The following EPS15L1 variants were observed in gnomAD, a reference collection of about 807,000 sequenced individuals.
EPS15L1 encodes epidermal growth factor receptor pathway substrate 15 like 1.
In EPS15L1, 43 loss-of-function variants were observed where a neutral mutation model predicts 117.1. The ratio of observed to expected loss-of-function variants is 0.37; its 90% CI spans 0.29 to 0.47. The LOEUF is 0.47. EPS15L1 is among the 20% of genes least tolerant of loss of function. The pLI, the probability that EPS15L1 is intolerant of heterozygous loss-of-function variation, is 0.99. For missense variants in EPS15L1, 981 were observed against 1,164.0 expected (o/e 0.84, Z 2.29); for synonymous variants, 459 against 470.5 (o/e 0.98, Z 0.32).
chr19:16,441,690 C>G, intron 3 of EPS15L1: 2 of 365,824 alleles, frequency 5.5e-6, no homozygotes, highest in Non-Finnish European at 1.0e-5. Context: ...ACTCGGGTTT[C>G]TTATCTGCTA....
At chr19:16,422,465 A>G (rs956531577) in intron 9 of EPS15L1, among the ~76,000 whole-genome samples, 4 of 152,136 alleles carry the variant, frequency 2.6e-5, no homozygotes, top group Non-Finnish European at 5.9e-5. Flanking sequence ...ATCTCATAAT[A>G]GCAATGAGAA....
intron 13 of EPS15L1, chr19:16,413,539 T>C: frequency 1.4e-6 from 1 of 726,002 alleles, no homozygotes; most frequent in Admixed American, 2.4e-5. Flanking sequence ...AGAGTCTCCA[T>C]GCAGAGCACC....
chr19:16,432,633 G>A (rs1270876024), intron 7 of EPS15L1, among the ~76,000 whole-genome samples: 1 of 151,610 alleles, frequency 6.6e-6, no homozygotes, highest in African/African-American at 2.4e-5. Flanking sequence ...TTAGCCGGCT[G>A]TTGTGGTGCA....
chr19:16,452,845 G>A (rs2093159612), intron 1 of EPS15L1, among the ~76,000 whole-genome samples: 1 of 151,474 alleles, frequency 6.6e-6, no homozygotes, highest in South Asian at 2.1e-4. Context: ...CCCCCAAGCT[G>A]GAGCGCAGTG....
chr19:16,454,089 G>C (rs983581993), intron 1 of EPS15L1, among the ~76,000 whole-genome samples: 1 of 152,194 alleles, frequency 6.6e-6, no homozygotes, highest in African/African-American at 2.4e-5. Flanking sequence ...GGGAGACTGA[G>C]AAGTGATGCA....
At chr19:16,434,522 G>T (rs775296576) in intron 6 of EPS15L1, 32 bp from the exon 7 acceptor site, 1 of 1,605,388 alleles carries the variant, frequency 6.2e-7, no homozygotes, top group Non-Finnish European at 8.5e-7. Context: ...GAGTAAGTAG[G>T]AGAGCACACC....
At position 16,448,553 on chromosome 19, in the gene EPS15L1, G is replaced by GC. The variant is rs560728045; in HGVS notation, c.34-6335_34-6334insG. 1.0e-3 allele frequency among the ~76,000 whole-genome samples: 156 copies of GC among 149,078 alleles called. 4 individuals carry two copies. Among genetic ancestry groups the GC allele is most frequent in the South Asian group, 6.8e-3 (32 of 4,700 alleles). ...AATTCCGTATTAAAAAAAAAGGGGG[G>GC]GGGAGAAAGGCCGGGCGCGGTGGCT... On this transcript the variant is annotated intron_variant, in intron 1 of 23. Coordinates refer to ENST00000455140, the MANE Select transcript of EPS15L1 (RefSeq NM_001258374.3).
At chr19:16,359,781 G>C (rs557700993) in intron 23 of EPS15L1, among the ~76,000 whole-genome samples, 1 of 152,098 alleles carries the variant, frequency 6.6e-6, no homozygotes, top group East Asian at 1.9e-4. Context: ...ACGATTGCTT[G>C]AGCCCAGGAG....
Position 16,390,305 on chromosome 19 carries a change from G to A in EPS15L1, c.2103+1999C>T, listed in dbSNP as rs559240843. On this transcript the variant is annotated intron_variant, in intron 19 of 23. Transcript: ENST00000455140. Reference sequence around the variant, plus strand: ...TAATGATAAAAAGGTTGTTGTGTCAGAAAGACACAACAATCATAAACACCT... The same window carrying A: ...TAATGATAAAAAGGTTGTTGTGTCAAAAAGACACAACAATCATAAACACCT... Among the ~76,000 whole-genome samples the A allele has an allele frequency of 4.9e-4, 74 of 152,246 alleles. 1 individual carries two copies. In the South Asian group the frequency reaches 0.014, roughly 29 times the overall value.
intron 21 of EPS15L1, among the ~76,000 whole-genome samples, chr19:16,379,957 T>C (rs1308123325): frequency 1.4e-5 from 2 of 140,648 alleles, no homozygotes; most frequent in East Asian, 2.2e-4. Flanking sequence ...TCTAGTCACA[T>C]AGACGCGGCT....
intron 1 of EPS15L1, among the ~76,000 whole-genome samples, chr19:16,448,064 G>A (rs896079269): frequency 1.3e-5 from 2 of 152,174 alleles, no homozygotes; most frequent in Non-Finnish European, 2.9e-5. Context: ...CATGGGCCTC[G>A]AACTAAAAGT....
chr19:16,402,607 T>A, intron 15 of EPS15L1, 122 bp from the exon 16 acceptor site: 1 of 932,304 alleles, frequency 1.1e-6, no homozygotes, highest in Non-Finnish European at 1.5e-6. Flanking sequence ...AGTGGAGTGA[T>A]CATAGCTCAC....
intron 1 of EPS15L1, among the ~76,000 whole-genome samples, chr19:16,470,191 C>T (rs997597520): frequency 6.6e-6 from 1 of 151,818 alleles, no homozygotes; most frequent in Admixed American, 6.6e-5. Context: ...ACACGAGCCT[C>T]GCCAAAATGG....
At chr19:16,382,670 G>A (rs898990286) in intron 21 of EPS15L1, among the ~76,000 whole-genome samples, 7 of 150,258 alleles carry the variant, frequency 4.7e-5, no homozygotes, top group Admixed American at 2.7e-4. Flanking sequence ...TTGGACTCTT[G>A]TTTTTATTCT....
At chr19:16,470,144 G>A (rs936510458) in intron 1 of EPS15L1, among the ~76,000 whole-genome samples, 2 of 152,170 alleles carry the variant, frequency 1.3e-5, no homozygotes, top group African/African-American at 2.4e-5. Context: ...CACTTTGGGA[G>A]GCCAAGGCGG....
At chr19:16,453,120 G>C (rs554153405) in intron 1 of EPS15L1, among the ~76,000 whole-genome samples, 41 of 152,012 alleles carry the variant, frequency 2.7e-4, no homozygotes, top group Middle Eastern at 6.8e-3. Context: ...TTTTCATAGA[G>C]ACAGAGACTT....
chr19:16,442,109 C>G, intron 2 of EPS15L1, 69 bp downstream of exon 2: 1 of 1,523,250 alleles, frequency 6.6e-7, no homozygotes, highest in Non-Finnish European at 9.1e-7. Flanking sequence ...AGCCGGGCTT[C>G]TATTCTGTAC....
rs928879155 is a variant in EPS15L1 at position 16,471,954 on chromosome 19, G to T, written c.-9C>A. 2.3e-6 allele frequency: 3 copies of T among 1,286,080 alleles called. No homozygotes were observed. In the Admixed American group the frequency reaches 1.2e-4, roughly 52 times the overall value. 79.7% of individuals were successfully genotyped at this position (1,286,080 alleles called of 1,614,324 possible). ...ATGAGCGGCGCCGCCATCTTCCCGCGGACTCGGGCTCCGAGCGCCGGGGGA... is the reference window on the plus strand; with the variant it reads ...ATGAGCGGCGCCGCCATCTTCCCGCTGACTCGGGCTCCGAGCGCCGGGGGA... On this transcript the variant is annotated 5_prime_UTR_variant, in exon 1 of 24. Transcript: ENST00000455140. This position sits in a 1 kb window ranked among gnomAD's most constrained non-coding sequence, Gnocchi z 4.8.
chr19:16,437,740 A>T (rs767148190), intron 5 of EPS15L1, 30 bp downstream of exon 5: 1 of 1,511,118 alleles, frequency 6.6e-7, no homozygotes, highest in South Asian at 1.1e-5. Context: ...GTATTAGAAG[A>T]ATGTGAACTT....
Sources: gnomAD v4.1 joint callset for allele counts (sites outside exome capture counted in the v4.1 genomes callset) on GRCh38, gnomAD v4.1.1 for gene constraint, Gnocchi (gnomAD v3.1) non-coding constraint, MANE v1.5 for transcripts, NCBI Gene and HGNC (gene_info 2026-07-23, HGNC 2026-07-21) for gene names.